DNAH11: variants seen among roughly 807,000 people sequenced by gnomAD.
The protein encoded by DNAH11 is axonemal beta dynein heavy chain 11.
In DNAH11, 442 loss-of-function variants were observed where a neutral mutation model predicts 526.0. The observed-to-expected ratio is 0.84, with a 90% CI of 0.78 to 0.91. The LOEUF (loss-of-function observed/expected upper bound fraction) is 0.91, where lower values mean the gene tolerates loss of function less well. Ranked by LOEUF, DNAH11 falls within the 40% of genes least tolerant of loss-of-function variation. The pLI is 0.00. For missense variants in DNAH11, 6,989 were observed against 5,448.7 expected (o/e 1.28, Z -8.90); for synonymous variants, 2,461 against 1,935.9 (o/e 1.27, Z -7.12).
intron 79 of DNAH11, among the ~76,000 whole-genome samples, chr7:21,896,168 A>T (rs1784508363): frequency 6.6e-6 from 1 of 152,058 alleles, no homozygotes. Context: ...GTCAATCATT[A>T]TTTTTGTTTT....
At chr7:21,787,615 T>A (rs764690795) in intron 60 of DNAH11, 32 bp downstream of exon 60, 16 of 1,558,346 alleles carry the variant, frequency 1.0e-5, no homozygotes, top group Admixed American at 7.6e-5. Context: ...TTTACAGATG[T>A]TCTCCACAAA....
chr7:21,799,385 T>A (rs115111200), intron 61 of DNAH11, among the ~76,000 whole-genome samples: 366 of 152,262 alleles, frequency 2.4e-3, no homozygotes, highest in African/African-American at 8.5e-3. Context: ...TTTCCCAGAC[T>A]GGAGTGCAAT....
rs1784877642 is a variant in DNAH11 at position 21,901,767 on chromosome 7, C to CAATGTTG, written c.*514_*515insATGTTGA. Reference sequence around the variant, plus strand: ...AGCACTCTGTAAGGCCTCCAGTGTCCAGTGTCTACAATGTTGATGGTCCCC... The same window carrying CAATGTTG: ...AGCACTCTGTAAGGCCTCCAGTGTCCAATGTTGAGTGTCTACAATGTTGATGGTCCCC... On this transcript the variant is annotated 3_prime_UTR_variant, in exon 82 of 82. Transcript: ENST00000409508. 7.7e-6 allele frequency: 1 copy of CAATGTTG among 129,492 alleles called. No homozygotes were observed. Among genetic ancestry groups the CAATGTTG allele is most frequent in the Non-Finnish European group, 1.8e-5 (1 of 56,946 alleles). 8.0% of individuals were successfully genotyped at this position (129,492 alleles called of 1,614,324 possible).
intron 8 of DNAH11, among the ~76,000 whole-genome samples, chr7:21,572,667 T>G (rs184979038): frequency 2.8e-3 from 431 of 152,372 alleles, no homozygotes; most frequent in African/African-American, 9.7e-3. Context: ...TATTCACTAT[T>G]GTTTATATTT....
chr7:21,705,634 C>A, intron 39 of DNAH11, 97 bp downstream of exon 39: 2 of 1,139,422 alleles, frequency 1.8e-6, no homozygotes, highest in Admixed American at 2.1e-5. Context: ...GAATTCCCCT[C>A]CATGAAGCCC....
At chr7:21,685,735 A>G (rs1024184551) in intron 32 of DNAH11, among the ~76,000 whole-genome samples, 5 of 152,224 alleles carry the variant, frequency 3.3e-5, no homozygotes, top group African/African-American at 1.2e-4. Flanking sequence ...AGAAGTGGGT[A>G]TCTCACTGTC....
chr7:21,813,412 G>T (rs1012281302), intron 63 of DNAH11, among the ~76,000 whole-genome samples: 12 of 152,198 alleles, frequency 7.9e-5, no homozygotes, highest in Non-Finnish European at 1.6e-4. Context: ...CAGAACTCTT[G>T]TAAGGGTTAA....
chr7:21,695,616 T>G lies in DNAH11; in HGVS notation c.6042-2459T>G, dbSNP rs150312301. 4.3e-3 allele frequency among the ~76,000 whole-genome samples: 654 copies of G among 152,220 alleles called. 4 individuals are homozygous for G. The highest frequency in any genetic ancestry group is 0.015 in the African/African-American group (617 of 41,540). On this transcript the variant is annotated intron_variant, in intron 35 of 81. Transcript: ENST00000409508. ...TCAAGATGGCTTAAAGACTTAAACATAAAACCTAAAACCATAAAAGCCCTA... is the reference window on the plus strand; with the variant it reads ...TCAAGATGGCTTAAAGACTTAAACAGAAAACCTAAAACCATAAAAGCCCTA...
chr7:21,613,453 T>G (rs541659035), intron 20 of DNAH11, among the ~76,000 whole-genome samples: 4 of 152,170 alleles, frequency 2.6e-5, no homozygotes, highest in African/African-American at 7.2e-5. Context: ...GTATAAAATG[T>G]TTCATAATAA....
At chr7:21,598,810 T>C (rs11979506) in intron 14 of DNAH11, among the ~76,000 whole-genome samples, 23,947 of 152,032 alleles carry the variant, frequency 0.16, 1,941 homozygotes, top group East Asian at 0.2. Flanking sequence ...CATCATTTAT[T>C]TCCCACTTAA....
In DNAH11 at chr7:21,801,214, G is replaced by A. The variant is rs771659214; in HGVS notation, c.10104G>A (p.Glu3368=). 1.9e-6 allele frequency: 3 copies of A among 1,613,694 alleles called. No homozygotes were observed. The South Asian group carries it at 3.3e-5, about 18-fold the overall frequency. ...CTGAGAAAGTCCGGTGTCAAGAAGA[G>A]GTGAACCAAACCAACAAAACCATCA... ...ATAEKVRCQE[E]VNQTNKTIKL... The change falls in exon 62 of 82, where the codon GAG becomes GAA. Residue 3368 remains glutamate (E), a synonymous_variant. Coordinates refer to ENST00000409508, the MANE Select transcript of DNAH11 (RefSeq NM_001277115.2).
At chr7:21,617,859 G>A (rs1785855365) in intron 23 of DNAH11, 82 bp downstream of exon 23, 3 of 1,396,282 alleles carry the variant, frequency 2.1e-6, no homozygotes. Flanking sequence ...GAGATGAAGT[G>A]TAATTTATGA....
intron 18 of DNAH11, 91 bp from the exon 19 acceptor site, chr7:21,606,335 A>T: frequency 8.9e-7 from 1 of 1,127,874 alleles, no homozygotes; most frequent in Non-Finnish European, 1.3e-6. Context: ...GAGAAAAAAA[A>T]AAAAGAAAGA....
intron 67 of DNAH11, among the ~76,000 whole-genome samples, chr7:21,853,395 T>C (rs78472254): frequency 0.05 from 7,639 of 152,304 alleles, 228 homozygotes; most frequent in Middle Eastern, 0.11. Context: ...GAATCCCAAA[T>C]TACTCTGTCT....
intron 58 of DNAH11, among the ~76,000 whole-genome samples, chr7:21,786,316 G>GTGTGTT (rs1344436491): frequency 6.6e-6 from 1 of 151,778 alleles, no homozygotes; most frequent in Non-Finnish European, 1.5e-5. Flanking sequence ...GTGTGTGTGT[G>GTGTGTT]TGTGTGTGTG....
intron 65 of DNAH11, among the ~76,000 whole-genome samples, chr7:21,836,122 T>C (rs1420288882): frequency 6.6e-6 from 1 of 152,092 alleles, no homozygotes; most frequent in East Asian, 1.9e-4. Flanking sequence ...AATGGAAAGA[T>C]ATTTCCTGTT....
At chr7:21,859,985 A>G (rs577445522) in intron 68 of DNAH11, among the ~76,000 whole-genome samples, 3 of 152,314 alleles carry the variant, frequency 2.0e-5, no homozygotes, top group African/African-American at 7.2e-5. Context: ...AAGCCTGGGC[A>G]ACACAGAGAA....
intron 51 of DNAH11, 124 bp from the exon 52 acceptor site, chr7:21,748,456 T>C: frequency 8.8e-7 from 1 of 1,138,464 alleles, no homozygotes; most frequent in South Asian, 3.7e-5. Flanking sequence ...GCCACTGCAC[T>C]CCGGCCTGGG....
rs367833062 is a variant in DNAH11, at chr7:21,655,961, G to T, written c.5074G>T (p.Glu1692Ter). 2 of 1,605,036 alleles carry T rather than the reference G, an allele frequency of 1.2e-6. No individual in the cohort carries two copies. Among genetic ancestry groups the T allele is most frequent in the Non-Finnish European group, 1.7e-6 (2 of 1,174,708 alleles). Residue 1692 changes from glutamate (E) to a stop codon, truncating the protein, a stop_gained, in exon 29 of 82, where the codon GAG becomes TAG. Coordinates refer to ENST00000409508, the MANE Select transcript of DNAH11 (RefSeq NM_001277115.2). LOFTEE classifies it high-confidence loss of function. ...KEKEYVPFQA[E>*]CECVGHVETW... ...AAAGGAGTATGTCCCATTCCAAGCC[G>T]AGTGTGAATGTGTGGGCCATGTAAG...
Sources: gnomAD v4.1 joint callset for allele counts (sites outside exome capture counted in the v4.1 genomes callset) on GRCh38, gnomAD v4.1.1 for gene constraint, MANE v1.5 for transcripts, NCBI Gene and HGNC (gene_info 2026-07-23, HGNC 2026-07-21) for gene names.